The following FBXW5 variants were observed in gnomAD, a reference collection of about 807,000 sequenced individuals.
FBXW5 encodes F-box/WD repeat-containing protein 5.
FBXW5 carries 74 observed loss-of-function variants against 50.9 expected under a neutral mutation model. That is an observed-to-expected ratio of 1.45 (90% CI 1.20 to 1.76). The LOEUF (loss-of-function observed/expected upper bound fraction) is 1.76. Ranked by LOEUF, FBXW5 falls within the 40% of genes most tolerant of loss-of-function variation. The pLI, the probability that FBXW5 is intolerant of heterozygous loss-of-function variation, is 0.00. For missense variants in FBXW5, 1,073 were observed against 818.8 expected (o/e 1.31, Z -3.79); for synonymous variants, 523 against 362.2 (o/e 1.44, Z -5.04).
rs762883039 is a variant in FBXW5 at position 136,944,033 on chromosome 9, G to T, written c.51C>A (p.Ile17=). ...CGTCGGCCGGGCCCAGGCTCAGGAA[G>T]ATCTGGTAGACCAGGCTGTCGGGGA... ...PLLPDSLVYQ[I]FLSLGPADVL... is the part of the protein sequence containing the mutation. The change falls in exon 2 of 9, where the codon ATC becomes ATA. Residue 17 remains isoleucine, a synonymous_variant. Transcript: ENST00000325285. 2 of 1,604,596 alleles carry T rather than the reference G, an allele frequency of 1.2e-6. No homozygotes were observed. Among genetic ancestry groups the T allele is most frequent in the Non-Finnish European group, 1.7e-6 (2 of 1,176,366 alleles).
chr9:136,941,695 G>A lies in FBXW5; in HGVS notation c.1097-11C>T, dbSNP rs1460089128. The A allele has an allele frequency of 3.9e-6, 6 of 1,550,246 alleles. No homozygotes were observed. Among genetic ancestry groups the A allele is most frequent in the Admixed American group, 3.9e-5 (2 of 51,658 alleles). ...GGATCTGCTTGATGCCTGCAGGGAG[G>A]GCTACGGTGAGGGTCCCTGTCCAAT... On this transcript the variant is annotated splice_polypyrimidine_tract_variant and intron_variant, in intron 6 of 8. Transcript: ENST00000325285.
In FBXW5 at chr9:136,942,539, GCA is replaced by G; in HGVS notation, c.675+6_675+7del. The G allele has an allele frequency of 6.2e-7, 1 of 1,608,948 alleles. No individual in the cohort carries two copies. Among genetic ancestry groups the G allele is most frequent in the South Asian group, 1.1e-5 (1 of 91,012 alleles). ...GGAGGGCAGCCCCGCCCCTAGCCCC[GCA>G]CGCACCTGGAAGGCATTGTTGAGCC... On this transcript the variant is annotated splice_donor_region_variant and intron_variant, in intron 5 of 8. Transcript: ENST00000325285.
chr9:136,943,680 C>T (rs541203052), intron 2 of FBXW5, among the ~76,000 whole-genome samples, 174 bp from the exon 3 acceptor site: 9 of 152,280 alleles, frequency 5.9e-5, no homozygotes, highest in African/African-American at 1.7e-4. Flanking sequence ...ACCCCTGTAC[C>T]CCCCACCCCC....
rs752147614 is a variant in FBXW5 at position 136,942,226 on chromosome 9, G to A, written c.916C>T (p.Leu306=). 3.1e-6 allele frequency: 5 copies of A among 1,590,876 alleles called. No individual in the cohort carries two copies. Among genetic ancestry groups the A allele is most frequent in the Non-Finnish European group, 4.3e-6 (5 of 1,169,888 alleles). The part of the protein sequence containing the change: ...AHAKEGLRHF[L]DRVLEGRAQP... ...GCCCGCCCCTCCAGCACGCGGTCCA[G>A]AAAGTGCCGCAAGCCCTCCTTGGCG... Residue 306 remains leucine, a synonymous_variant, in exon 6 of 9, where the codon CTG becomes TTG. Transcript: ENST00000325285.
Position 136,943,808 on chromosome 9 carries a change from GC to G in FBXW5, c.193+82del, listed in dbSNP as rs1564438266. On this transcript the variant is annotated intron_variant, in intron 2 of 8. Transcript: ENST00000325285. ...ATGGACACGCGGGGCCGCGGGGCGG[GC>G]CCCCAGCCAGGCTGACCCCCAAGCG... 5.6e-6 allele frequency: 8 copies of G among 1,423,590 alleles called. No individual in the cohort carries two copies. In the South Asian group the frequency reaches 9.2e-5, roughly 16 times the overall value. The allele number at this position is 1,423,590 out of a possible 1,614,324, so 88.2% of individuals were successfully genotyped here.
At chr9:136,944,398 G>C (rs1192283816) in intron 1 of FBXW5, 196 bp downstream of exon 1, 1 of 778,964 alleles carries the variant, frequency 1.3e-6, no homozygotes, top group Non-Finnish European at 1.6e-6. Flanking sequence ...GCGCCGTCCG[G>C]GGACGGGCTT....
At chr9:136,942,985 G>T in intron 3 of FBXW5, 42 bp from the exon 4 acceptor site, 1 of 1,609,630 alleles carries the variant, frequency 6.2e-7, no homozygotes, top group Non-Finnish European at 8.5e-7. Context: ...TGGCCAGGTC[G>T]CGGGGCGGGG....
At chr9:136,944,375 A>T (rs1260265928) in intron 1 of FBXW5, 1 of 644,774 alleles carries the variant, frequency 1.6e-6, no homozygotes, top group Non-Finnish European at 2.0e-6. Flanking sequence ...CACGCGAGGC[A>T]CGGGGACACC....
chr9:136,943,582 C>G, intron 2 of FBXW5, 76 bp from the exon 3 acceptor site: 1 of 1,517,294 alleles, frequency 6.6e-7, no homozygotes, highest in Admixed American at 2.0e-5. Flanking sequence ...GTGGCCCCAG[C>G]AGTCCTGGCA....
In FBXW5 at chr9:136,941,652, T is replaced by C; in HGVS notation, c.1129A>G (p.Thr377Ala). 1.9e-6 allele frequency: 3 copies of C among 1,567,794 alleles called. No homozygotes were observed. In the South Asian group the frequency reaches 3.5e-5, roughly 18 times the overall value. ...IKQILPHQMT[T>A]AGPVLGEGRG... is the part of the protein sequence containing the mutation. ...CCCTCACCCAGCACGGGCCCTGCCGTGGTCATCTGGTGTGGCAGGATCTGC... is the reference window on the plus strand; with the variant it reads ...CCCTCACCCAGCACGGGCCCTGCCGCGGTCATCTGGTGTGGCAGGATCTGC... The change falls in exon 7 of 9, where the codon ACG (threonine) becomes GCG (alanine). Residue 377 changes from threonine (T) to alanine (A), a missense_variant. Coordinates refer to ENST00000325285, the MANE Select transcript of FBXW5 (RefSeq NM_018998.4).
At chr9:136,943,273 T>C in intron 3 of FBXW5, 76 bp downstream of exon 3, 1 of 851,698 alleles carries the variant, frequency 1.2e-6, no homozygotes, top group Non-Finnish European at 1.8e-6. Flanking sequence ...ACCACCTGGT[T>C]GGAACGCCTG....
intron 1 of FBXW5, 176 bp from the exon 2 acceptor site, chr9:136,944,282 C>T (rs1250655850): frequency 2.7e-6 from 2 of 737,596 alleles, no homozygotes; most frequent in Non-Finnish European, 3.9e-6. Context: ...GCGGGCCGGG[C>T]CGGCCCCTCT....
At position 136,942,419 on chromosome 9, in the gene FBXW5, G is replaced by C; in HGVS notation, c.723C>G (p.Ile241Met). The change falls in exon 6 of 9, where the codon ATC (isoleucine) becomes ATG (methionine). Residue 241 changes from isoleucine (I) to methionine (M), a missense_variant. Physicochemically the swap from Ile to Met is conservative, Grantham distance 10. Coordinates refer to ENST00000325285, the MANE Select transcript of FBXW5 (RefSeq NM_018998.4). ...GGACGGTGCTGGCATTGAGGTTCTG[G>C]ATCTTGAACAGCCGCTTCACCACGT... ...NVNVVKRLFK[I>M]QNLNASTVRT... The C allele has an allele frequency of 2.5e-6, 4 of 1,603,694 alleles. No homozygotes were observed. The highest frequency in any genetic ancestry group is 3.4e-6 in the Non-Finnish European group (4 of 1,172,730).
rs747554111 is a variant in FBXW5, at chr9:136,941,373, C to T, written c.1335G>A (p.Leu445=). Residue 445 remains leucine, a synonymous_variant, in exon 8 of 9, where the codon CTG becomes CTA. Coordinates refer to ENST00000325285, the MANE Select transcript of FBXW5 (RefSeq NM_018998.4). The part of the protein sequence containing the change: ...QPPPIAEEID[L]LVFDLKTMRE... ...GCATGGTCTTGAGGTCGAACACCAG[C>T]AGGTCAATCTCCTCCGCGATTGGTG... 13 of 1,611,724 alleles carry T rather than the reference C, an allele frequency of 8.1e-6. No individual in the cohort carries two copies. Among genetic ancestry groups the T allele is most frequent in the Non-Finnish European group, 1.1e-5 (13 of 1,179,904 alleles).
In FBXW5 at chr9:136,941,444, G is replaced by C; in HGVS notation, c.1264C>G (p.Arg422Gly). ...PDNRYLYVNS[R>G]AWPNGAVVAD... ...ACCACCGCACCGTTGGGCCAGGCGC[G>C]GCTGTTCACGTACAGGTACCTGGGC... is the stretch of plus-strand genomic sequence containing the variant. The change falls in exon 8 of 9, where the codon CGC becomes GGC. Residue 422 changes from arginine (R) to glycine (G), a missense_variant. Physicochemically the swap from Arg to Gly is moderately radical, Grantham distance 125 (BLOSUM62 -2). Coordinates refer to ENST00000325285, the MANE Select transcript of FBXW5 (RefSeq NM_018998.4). The C allele has an allele frequency of 6.2e-7, 1 of 1,607,958 alleles. No individual in the cohort carries two copies. The highest frequency in any genetic ancestry group is 1.3e-5 in the African/African-American group (1 of 75,062).
Position 136,942,239 on chromosome 9 carries a change from G to A in FBXW5, c.903C>T (p.Gly301=). ...AGPAPAHAKE[G]LRHFLDRVLE... is the part of the protein sequence containing the mutation. The stretch of plus-strand genomic sequence containing the variant: ...GCACGCGGTCCAGAAAGTGCCGCAA[G>A]CCCTCCTTGGCGTGGGCGGGGGCCG... Residue 301 remains glycine (G), a synonymous_variant, in exon 6 of 9, where the codon GGC becomes GGT. Coordinates refer to ENST00000325285, the MANE Select transcript of FBXW5 (RefSeq NM_018998.4). The A allele has an allele frequency of 1.9e-6, 3 of 1,586,176 alleles. No homozygotes were observed. Among genetic ancestry groups the A allele is most frequent in the Non-Finnish European group, 2.6e-6 (3 of 1,167,564 alleles).
intron 1 of FBXW5, chr9:136,944,366 A>C: frequency 1.6e-6 from 1 of 613,586 alleles, no homozygotes. Flanking sequence ...GGACCGCCGC[A>C]CGCGAGGCAC....
Position 136,941,131 on chromosome 9 carries a change from A to T in FBXW5, c.1498T>A (p.Tyr500Asn). Reference sequence around the variant, plus strand: ...CGCAGCCTGGCCAGACAGATGTTGTAGTGGCGGTCCCAGATGTAGCCGTGC... The same window carrying T: ...CGCAGCCTGGCCAGACAGATGTTGTTGTGGCGGTCCCAGATGTAGCCGTGC... Reference protein sequence around the residue: ...DRHGYIWDRHYNICLARLRHE... With the variant: ...DRHGYIWDRHNNICLARLRHE... Residue 500 changes from tyrosine to asparagine, a missense_variant, in exon 9 of 9, where the codon TAC (tyrosine) becomes AAC (asparagine). Physicochemically the swap from Tyr to Asn is moderately radical, Grantham distance 143 (BLOSUM62 -2). Transcript: ENST00000325285. 1 of 1,598,770 alleles carries T rather than the reference A, an allele frequency of 6.3e-7. No individual in the cohort carries two copies.
In FBXW5 at chr9:136,943,447, C is replaced by T. The variant is rs542085216; in HGVS notation, c.253G>A (p.Val85Met). 5.0e-6 allele frequency: 8 copies of T among 1,612,800 alleles called. No individual in the cohort carries two copies. In the Admixed American group the frequency reaches 6.7e-5, roughly 13 times the overall value. The change falls in exon 3 of 9, where the codon GTG (valine) becomes ATG (methionine). Residue 85 changes from valine (V) to methionine (M), a missense_variant. Val to Met is a conservative substitution (Grantham distance 21, BLOSUM62 1). Coordinates refer to ENST00000325285, the MANE Select transcript of FBXW5 (RefSeq NM_018998.4). The stretch of plus-strand genomic sequence containing the variant: ...TCTGTGTGTTCCCGCAGCGTCTGCA[C>T]CTCCACGCAGGGCACCGTGTCATAC... ...RLYDTVPCVE[V>M]QTLREHTDQV...
Sources: gnomAD v4.1 joint callset for allele counts (sites outside exome capture counted in the v4.1 genomes callset) on GRCh38, gnomAD v4.1.1 for gene constraint, MANE v1.5 for transcripts, NCBI Gene and HGNC (gene_info 2026-07-23, HGNC 2026-07-21) for gene names.